SMG6: variants seen among roughly 807,000 people sequenced by gnomAD.
The protein encoded by SMG6 is SMG6 nonsense mediated mRNA decay factor, also known as telomerase-binding protein EST1A.
Under a neutral mutation model 142.2 loss-of-function variants are expected in SMG6, and 66 were observed. The ratio of observed to expected loss-of-function variants is 0.46; its 90% confidence interval spans 0.38 to 0.57. The LOEUF (loss-of-function observed/expected upper bound fraction) is 0.57. Among genes scored for constraint, SMG6 ranks in the 20% least tolerant of loss-of-function variants. SMG6 has a pLI of 0.00. For missense variants in SMG6, 1,793 were observed against 1,832.0 expected, an observed-to-expected ratio of 0.98 and a Z score of 0.39; for synonymous variants, 779 against 702.4, an observed-to-expected ratio of 1.11 and a Z score of -1.72.
At chr17:2,249,736 C>T (rs962239157) in intron 8 of SMG6, among the ~76,000 whole-genome samples, 1 of 152,148 alleles carries the variant, frequency 6.6e-6, no homozygotes, top group African/African-American at 2.4e-5. Context: ...ACATATTTAC[C>T]TACTGTTCAC....
At chr17:2,222,885 A>G (rs2073216863) in intron 10 of SMG6, among the ~76,000 whole-genome samples, 1 of 152,222 alleles carries the variant, frequency 6.6e-6, no homozygotes, top group African/African-American at 2.4e-5. Context: ...CCTAGCAGGC[A>G]TCTGAAAAAT....
intron 8 of SMG6, among the ~76,000 whole-genome samples, chr17:2,275,365 T>C (rs1597761538): frequency 6.6e-6 from 1 of 152,166 alleles, no homozygotes; most frequent in Non-Finnish European, 1.5e-5. Context: ...GCGGCTGCAG[T>C]GAGCTGAGAT....
chr17:2,210,774 TA>T (rs57885939), intron 10 of SMG6, among the ~76,000 whole-genome samples: 8 of 137,072 alleles, frequency 5.8e-5, no homozygotes, highest in South Asian at 2.3e-4. Context: ...AAAAATAAAA[TA>T]AAAAAAAAAG....
At chr17:2,205,556 A>T (rs145009011) in intron 10 of SMG6, among the ~76,000 whole-genome samples, 30 of 152,334 alleles carry the variant, frequency 2.0e-4, no homozygotes, top group Non-Finnish European at 3.2e-4. Flanking sequence ...ATGGATTAAC[A>T]GCCTACCATA....
chr17:2,117,170 C>G (rs2069534166), intron 13 of SMG6, among the ~76,000 whole-genome samples: 1 of 151,300 alleles, frequency 6.6e-6, no homozygotes, highest in Non-Finnish European at 1.5e-5. Flanking sequence ...ACATGGCTCA[C>G]TGCAGCCTTG....
At chr17:2,199,241 C>G (rs768054880) in intron 10 of SMG6, among the ~76,000 whole-genome samples, 16 of 152,182 alleles carry the variant, frequency 1.1e-4, no homozygotes, top group Non-Finnish European at 1.9e-4. Context: ...GAGGAAAAAG[C>G]GGCTTCAAAC....
chr17:2,109,789 T>G (rs2069257895), intron 13 of SMG6, among the ~76,000 whole-genome samples: 1 of 151,844 alleles, frequency 6.6e-6, no homozygotes, highest in African/African-American at 2.4e-5. Context: ...ACCCTAAACT[T>G]TAAAAAAATT....
intron 13 of SMG6, among the ~76,000 whole-genome samples, chr17:2,154,057 T>C (rs568442866): frequency 2.1e-4 from 24 of 116,430 alleles, no homozygotes; most frequent in African/African-American, 7.9e-4. Context: ...GGGATGCATA[T>C]AGAGTGTGAC....
chr17:2,082,250 T>C (rs952652086), intron 14 of SMG6: 6 of 346,168 alleles, frequency 1.7e-5, no homozygotes, highest in Admixed American at 8.2e-5. Context: ...TCACACTCTG[T>C]GTTCTTCCTG....
intron 9 of SMG6, among the ~76,000 whole-genome samples, chr17:2,243,777 A>C (rs373265598): frequency 6.6e-6 from 1 of 152,222 alleles, no homozygotes; most frequent in Non-Finnish European, 1.5e-5. Flanking sequence ...CATAATTCAA[A>C]ACAAATCACC....
At chr17:2,233,954 T>C (rs1211786828) in intron 10 of SMG6, among the ~76,000 whole-genome samples, 1 of 152,214 alleles carries the variant, frequency 6.6e-6, no homozygotes, top group African/African-American at 2.4e-5. Context: ...CTGGGCCGTT[T>C]TTCCTTGAAA....
intron 8 of SMG6, among the ~76,000 whole-genome samples, chr17:2,277,446 G>A (rs773069570): frequency 3.3e-5 from 5 of 151,966 alleles, no homozygotes; most frequent in Admixed American, 6.5e-5. Flanking sequence ...GATTACAGGC[G>A]TAAGCACCAC....
chr17:2,234,926 G>A (rs2151802240), intron 10 of SMG6, among the ~76,000 whole-genome samples: 1 of 152,264 alleles, frequency 6.6e-6, no homozygotes, highest in South Asian at 2.1e-4. Context: ...GAAGCCACAG[G>A]TCATTTGGTG....
intron 6 of SMG6, among the ~76,000 whole-genome samples, chr17:2,288,097 T>G (rs2074947923): frequency 6.6e-6 from 1 of 151,990 alleles, no homozygotes; most frequent in African/African-American, 2.4e-5. Flanking sequence ...GTGGATCACC[T>G]GAAGTCTGGA....
At chr17:2,219,304 G>C (rs1412401194) in intron 10 of SMG6, among the ~76,000 whole-genome samples, 1 of 152,170 alleles carries the variant, frequency 6.6e-6, no homozygotes, top group African/African-American at 2.4e-5. Flanking sequence ...AGAATAGCTT[G>C]AACCTGGGAG....
intron 13 of SMG6, among the ~76,000 whole-genome samples, chr17:2,156,845 G>A (rs1426506430): frequency 6.6e-6 from 1 of 152,144 alleles, no homozygotes; most frequent in East Asian, 1.9e-4. Context: ...TGGTGACAAG[G>A]TCTCACTATG....
intron 8 of SMG6, among the ~76,000 whole-genome samples, chr17:2,264,917 A>T (rs1035538348): frequency 1.4e-4 from 21 of 151,564 alleles, no homozygotes; most frequent in Admixed American, 2.0e-4. Flanking sequence ...AAAAAAAAAA[A>T]TTTCCTTAAA....
chr17:2,064,945 A>C (rs1248349609), intron 18 of SMG6, 128 bp downstream of exon 18: 1 of 722,474 alleles, frequency 1.4e-6, no homozygotes, highest in Admixed American at 2.6e-5. Context: ...GGCATACATC[A>C]GCCCTGAGCA....
At position 2,106,393 on chromosome 17, in the gene SMG6, C is replaced by T. The variant is rs943302433; in HGVS notation, c.3358-20492G>A. On this transcript the variant is annotated intron_variant, in intron 13 of 18. Coordinates refer to ENST00000263073, the MANE Select transcript of SMG6 (RefSeq NM_017575.5). ...TTTTAATAAAGGAAGGGAGGGGGGTCTCTCAAGGGAACTCTGCTTACTGGG... is the reference window on the plus strand; with the variant it reads ...TTTTAATAAAGGAAGGGAGGGGGGTTTCTCAAGGGAACTCTGCTTACTGGG... Among the ~76,000 whole-genome samples the T allele has an allele frequency of 2.6e-5, 4 of 152,234 alleles. No individual in the cohort carries two copies. The South Asian group carries it at 6.2e-4, about 24-fold the overall frequency.
Sources: gnomAD v4.1 joint callset for allele counts (sites outside exome capture counted in the v4.1 genomes callset) on GRCh38, gnomAD v4.1.1 for gene constraint, MANE v1.5 for transcripts, NCBI Gene and HGNC (gene_info 2026-07-23, HGNC 2026-07-21) for gene names.